The following SPATA16 variants were observed in gnomAD, a reference collection of about 807,000 sequenced individuals.
SPATA16 encodes spermatogenesis associated 16, also known as spermatogenesis-associated protein 16.
In SPATA16, 36 loss-of-function variants were observed where a neutral mutation model predicts 63.3. The ratio of observed to expected loss-of-function variants is 0.57; its 90% CI spans 0.44 to 0.75. The LOEUF (loss-of-function observed/expected upper bound fraction) is 0.75. SPATA16 is among the 30% of genes least tolerant of loss of function. SPATA16 has a pLI of 0.00. For synonymous variants in SPATA16, 203 were observed against 216.7 expected, an observed-to-expected ratio of 0.94 and a Z score of 0.56; for missense variants, 646 against 679.3, an observed-to-expected ratio of 0.95 and a Z score of 0.54.
intron 1 of SPATA16, among the ~76,000 whole-genome samples, chr3:173,119,266 A>G (rs1849918): frequency 3.3e-5 from 5 of 152,202 alleles, no homozygotes. Flanking sequence ...TGGCACATGT[A>G]TACCTATGTA....
chr3:173,058,020 C>T (rs1013784112), intron 2 of SPATA16, among the ~76,000 whole-genome samples: 1 of 151,928 alleles, frequency 6.6e-6, no homozygotes, highest in African/African-American at 2.4e-5. Flanking sequence ...AAAGAAAAGA[C>T]CCTCAAAATT....
At chr3:173,083,085 A>T (rs1736962585) in intron 2 of SPATA16, among the ~76,000 whole-genome samples, 1 of 152,150 alleles carries the variant, frequency 6.6e-6, no homozygotes, top group Admixed American at 6.5e-5. Context: ...GTTAGGGCTT[A>T]ATGAATAATT....
At chr3:173,046,529 T>C (rs1258995011) in intron 3 of SPATA16, among the ~76,000 whole-genome samples, 2 of 151,980 alleles carry the variant, frequency 1.3e-5, no homozygotes, top group African/African-American at 4.8e-5. Flanking sequence ...CTCCTAAAAA[T>C]ATGCAGTAGA....
intron 2 of SPATA16, among the ~76,000 whole-genome samples, chr3:173,069,985 C>G (rs1430378742): frequency 6.6e-6 from 1 of 151,506 alleles, no homozygotes; most frequent in Non-Finnish European, 1.5e-5. Context: ...GTAGAGGGCA[C>G]AGGCCTGAAC....
chr3:172,939,894 G>T (rs1243454984), intron 6 of SPATA16, among the ~76,000 whole-genome samples: 2 of 152,176 alleles, frequency 1.3e-5, no homozygotes, highest in Non-Finnish European at 2.9e-5. Flanking sequence ...TCAGCTTCAT[G>T]CCTCCCCCAC....
chr3:173,004,714 C>T (rs1008832211), intron 4 of SPATA16, among the ~76,000 whole-genome samples: 1 of 152,134 alleles, frequency 6.6e-6, no homozygotes, highest in Non-Finnish European at 1.5e-5. Flanking sequence ...ATAACAAAAA[C>T]AACGACAATA....
At chr3:172,904,908 A>G (rs1324442911) in intron 10 of SPATA16, among the ~76,000 whole-genome samples, 1 of 152,154 alleles carries the variant, frequency 6.6e-6, no homozygotes, top group Non-Finnish European at 1.5e-5. Flanking sequence ...AGGCTCTGCC[A>G]GGACTTTGGT....
At chr3:173,030,700 T>C (rs900615755) in intron 3 of SPATA16, among the ~76,000 whole-genome samples, 3 of 152,028 alleles carry the variant, frequency 2.0e-5, no homozygotes, top group African/African-American at 7.2e-5. Context: ...ATATAATTAC[T>C]ACATGATCCA....
chr3:173,057,912 T>C (rs1332469632), intron 2 of SPATA16, among the ~76,000 whole-genome samples: 1 of 152,120 alleles, frequency 6.6e-6, no homozygotes, highest in Non-Finnish European at 1.5e-5. Context: ...CCACAACAGA[T>C]TGGGACAGAA....
At chr3:172,976,858 T>G in intron 5 of SPATA16, 110 bp downstream of exon 5, 1 of 841,894 alleles carries the variant, frequency 1.2e-6, no homozygotes, top group Non-Finnish European at 2.0e-6. Context: ...TTCTTTCTGA[T>G]TGATATGCCC....
chr3:173,065,930 G>A (rs1399750), intron 2 of SPATA16, among the ~76,000 whole-genome samples: 26,953 of 152,058 alleles, frequency 0.18, 2,492 homozygotes, highest in South Asian at 0.23. Flanking sequence ...AAGGACCGCC[G>A]TTCTAGGGCA....
chr3:173,013,614 C>T (rs896145223), intron 4 of SPATA16, among the ~76,000 whole-genome samples: 2 of 152,202 alleles, frequency 1.3e-5, no homozygotes, highest in African/African-American at 4.8e-5. Context: ...GTAACAGGTT[C>T]ATAACTCAGG....
At chr3:173,016,353 T>C (rs1262894987) in intron 4 of SPATA16, among the ~76,000 whole-genome samples, 2 of 152,232 alleles carry the variant, frequency 1.3e-5, no homozygotes, top group East Asian at 3.8e-4. Context: ...TTTGGGCTTT[T>C]TAAATGAGGC....
chr3:173,066,841 C>T (rs1736532791), intron 2 of SPATA16, among the ~76,000 whole-genome samples: 1 of 152,026 alleles, frequency 6.6e-6, no homozygotes, highest in Non-Finnish European at 1.5e-5. Flanking sequence ...AGTGGCCACT[C>T]CCGGAGTGAC....
At chr3:172,951,191 GA>G (rs982275505) in intron 6 of SPATA16, among the ~76,000 whole-genome samples, 4 of 151,526 alleles carry the variant, frequency 2.6e-5, no homozygotes, top group African/African-American at 9.7e-5. Context: ...GCTATACTGT[GA>G]AAAAAAATCA....
intron 2 of SPATA16, among the ~76,000 whole-genome samples, chr3:173,076,106 A>G (rs1174733500): frequency 6.6e-6 from 1 of 152,208 alleles, no homozygotes; most frequent in Non-Finnish European, 1.5e-5. Flanking sequence ...AAGCAGGTTT[A>G]GCACATCTTA....
intron 6 of SPATA16, among the ~76,000 whole-genome samples, chr3:172,938,826 C>G (rs1051089182): frequency 8.2e-5 from 4 of 48,528 alleles, no homozygotes; most frequent in South Asian, 1.8e-3. Flanking sequence ...GAGATCCAGA[C>G]CCCCCCACCC....
intron 6 of SPATA16, among the ~76,000 whole-genome samples, chr3:172,933,575 G>A (rs892075954): frequency 1.3e-5 from 2 of 152,154 alleles, no homozygotes; most frequent in African/African-American, 4.8e-5. Context: ...CAGAGTTAGC[G>A]GAACACCAGG....
At chr3:172,924,493 A>G (rs1203067417) in intron 7 of SPATA16, among the ~76,000 whole-genome samples, 176 bp from the exon 8 acceptor site, 1 of 152,178 alleles carries the variant, frequency 6.6e-6, no homozygotes, top group Admixed American at 6.5e-5. Flanking sequence ...ATGGGGAGAA[A>G]GGCAGAGGAG....
Sources: gnomAD v4.1 joint callset for allele counts (sites outside exome capture counted in the v4.1 genomes callset) on GRCh38, gnomAD v4.1.1 for gene constraint, MANE v1.5 for transcripts, NCBI Gene and HGNC (gene_info 2026-07-23, HGNC 2026-07-21) for gene names.